The following DOCK10 variants were observed in gnomAD, a reference collection of about 807,000 sequenced individuals.
The protein encoded by DOCK10 is dedicator of cytokinesis protein 10.
DOCK10 carries 145 observed loss-of-function variants against 280.1 expected under a neutral mutation model. The observed-to-expected ratio is 0.52, with a 90% confidence interval of 0.45 to 0.59. The LOEUF (loss-of-function observed/expected upper bound fraction) is 0.59, where lower values mean the gene tolerates loss of function less well. DOCK10 is among the 20% of genes least tolerant of loss of function. DOCK10 has a pLI of 0.00. For missense variants in DOCK10, 2,368 were observed against 2,651.7 expected (o/e 0.89, Z 2.35); for synonymous variants, 915 against 942.2 (o/e 0.97, Z 0.53).
chr2:225,019,438 G>A (rs1466983495), intron 1 of DOCK10, among the ~76,000 whole-genome samples: 1 of 118,270 alleles, frequency 8.5e-6, no homozygotes, highest in South Asian at 2.9e-4. Context: ...AGAGAGTGTG[G>A]TTTAATCTTT....
At chr2:224,855,098 C>CACACACAG (rs1697034126) in intron 15 of DOCK10, 56 bp from the exon 16 acceptor site, 1 of 1,191,486 alleles carries the variant, frequency 8.4e-7, no homozygotes, top group Non-Finnish European at 1.2e-6. Flanking sequence ...CACACACACA[C>CACACACAG]ACAGAGTATT....
chr2:224,913,357 C>A (rs1701140442), intron 3 of DOCK10, among the ~76,000 whole-genome samples: 1 of 152,120 alleles, frequency 6.6e-6, no homozygotes, highest in Admixed American at 6.5e-5. Flanking sequence ...GGCTGAGCAA[C>A]CTTGTATGTC....
intron 1 of DOCK10, among the ~76,000 whole-genome samples, chr2:225,006,743 G>A (rs1689275451): frequency 1.3e-5 from 2 of 152,340 alleles, no homozygotes; most frequent in South Asian, 2.1e-4. Context: ...GATTAGAGTT[G>A]AGAAACATTG....
intron 1 of DOCK10, among the ~76,000 whole-genome samples, chr2:224,988,481 C>G (rs996627282): frequency 1.3e-5 from 2 of 152,196 alleles, no homozygotes; most frequent in Non-Finnish European, 2.9e-5. Context: ...GTACACCTCC[C>G]TCTATGAGGC....
chr2:224,853,111 A>G lies in DOCK10; in HGVS notation c.1900T>C (p.Ser634Pro). The change falls in exon 17 of 56, where the codon TCG becomes CCG. Residue 634 changes from serine (S) to proline (P), a missense_variant. Transcript: ENST00000258390. ...AAAGGCTTGACAGGGATAAAGGACG[A>G]TGTTACACAATCTTAAAAAATCAGA... ...VPLEHPNCVT[S>P]SFIPVKPFNM... 6.4e-7 allele frequency: 1 copy of G among 1,571,732 alleles called. No individual in the cohort carries two copies. The highest frequency in any genetic ancestry group is 1.4e-5 in the African/African-American group (1 of 73,452).
At position 224,987,757 on chromosome 2, in the gene DOCK10, C is replaced by T. The variant is rs1451819835; in HGVS notation, c.123+54495G>A. 7.2e-5 allele frequency among the ~76,000 whole-genome samples: 11 copies of T among 152,236 alleles called. No individual in the cohort carries two copies. In the East Asian group the frequency reaches 2.1e-3, roughly 29 times the overall value. ...ATTCTAGCTCCCCAAACTAAGTAGA[C>T]CTCTCTTAGTTTGGGTTAATTTACA... is the stretch of plus-strand genomic sequence containing the variant. On this transcript the variant is annotated intron_variant, in intron 1 of 55. Transcript: ENST00000258390.
intron 13 of DOCK10, 34 bp from the exon 14 acceptor site, chr2:224,862,780 AT>A (rs1233262422): frequency 7.7e-7 from 1 of 1,306,190 alleles, no homozygotes; most frequent in South Asian, 1.3e-5. Flanking sequence ...ATTGTTTAGA[AT>A]AGCACTTTAT....
In DOCK10 at chr2:224,874,048, T is replaced by C. The variant is rs1199792064; in HGVS notation, c.1205A>G (p.Asn402Ser). 2.5e-6 allele frequency: 4 copies of C among 1,613,638 alleles called. No homozygotes were observed. The highest frequency in any genetic ancestry group is 3.4e-6 in the Non-Finnish European group (4 of 1,179,814). The change falls in exon 11 of 56, where the codon AAC becomes AGC. Residue 402 changes from asparagine (N) to serine (S), a missense_variant. By Grantham distance (46) the Asn-to-Ser change is conservative. Around this residue, in one of 2 missense-constraint regions of DOCK10, gnomAD observed 1,209 missense variants for 1,250.9 expected, o/e 0.97. Coordinates refer to ENST00000258390, the MANE Select transcript of DOCK10 (RefSeq NM_014689.3). ...KRIMIICKAL[N>S]SNLQGCVTEN... ...CGTAACACATCCCTGAAGATTTGAG[T>C]TGAGGGCTTTACAGATGATCATGAT...
At position 224,852,586 on chromosome 2, in the gene DOCK10, T is replaced by C. The variant is rs4674945; in HGVS notation, c.2077-144A>G. ...TTCTTGTGACATTATCCATAATCTT[T>C]TGAAATAACAGAAGGATCTGGAGAG... On this transcript the variant is annotated intron_variant, in intron 17 of 55. Coordinates refer to ENST00000258390, the MANE Select transcript of DOCK10 (RefSeq NM_014689.3). 4,892 of 690,832 alleles carry C rather than the reference T, an allele frequency of 7.1e-3. 173 individuals are homozygous for C. In the African/African-American group the frequency reaches 0.075, roughly 11 times the overall value. 42.8% of individuals were successfully genotyped at this position (690,832 alleles called of 1,614,324 possible).
At chr2:224,995,461 A>G (rs1347614005) in intron 1 of DOCK10, among the ~76,000 whole-genome samples, 1 of 152,206 alleles carries the variant, frequency 6.6e-6, no homozygotes, top group Non-Finnish European at 1.5e-5. Context: ...CCTATTATCT[A>G]TCTCACGCCA....
At chr2:225,041,960 C>T (rs1690441384) in intron 1 of DOCK10, among the ~76,000 whole-genome samples, 3 of 152,198 alleles carry the variant, frequency 2.0e-5, no homozygotes, top group Non-Finnish European at 1.5e-5. Flanking sequence ...CCCCCTCGCG[C>T]CCCATTAAAG....
At chr2:224,956,853 A>G (rs1307889292) in intron 1 of DOCK10, among the ~76,000 whole-genome samples, 1 of 152,100 alleles carries the variant, frequency 6.6e-6, no homozygotes, top group African/African-American at 2.4e-5. Flanking sequence ...TTCCTAATGT[A>G]TACTCAGTCA....
intron 3 of DOCK10, among the ~76,000 whole-genome samples, chr2:224,908,436 TGTG>T (rs1340262965): frequency 6.6e-6 from 1 of 151,862 alleles, no homozygotes; most frequent in Non-Finnish European, 1.5e-5. Context: ...TGTGTGTGTG[TGTG>T]TGTGTGTGTG....
chr2:224,918,302 G>A (rs1701449009), intron 2 of DOCK10, among the ~76,000 whole-genome samples: 1 of 151,544 alleles, frequency 6.6e-6, no homozygotes, highest in African/African-American at 2.4e-5. Context: ...AAGAGGATGA[G>A]AGTGTGTGGG....
chr2:225,041,335 C>T (rs1173482967), intron 1 of DOCK10, among the ~76,000 whole-genome samples: 1 of 152,190 alleles, frequency 6.6e-6, no homozygotes, highest in Non-Finnish European at 1.5e-5. Context: ...GGCTGCTGAG[C>T]CCCGGTCTTG....
At chr2:224,909,346 A>C (rs942533504) in intron 3 of DOCK10, among the ~76,000 whole-genome samples, 17 of 152,204 alleles carry the variant, frequency 1.1e-4, no homozygotes, top group Admixed American at 1.0e-3. Context: ...GATTCAGATA[A>C]AGACAATGCT....
At chr2:224,921,835 C>T (rs909070931) in intron 2 of DOCK10, among the ~76,000 whole-genome samples, 66 of 152,082 alleles carry the variant, frequency 4.3e-4, no homozygotes, top group African/African-American at 1.6e-3. Flanking sequence ...CGCTGTGGCT[C>T]ATGCCTATAA....
At chr2:224,982,332 A>C in intron 1 of DOCK10, 1 of 1,231,982 alleles carries the variant, frequency 8.1e-7, no homozygotes, top group Non-Finnish European at 1.0e-6. Context: ...ACAGAACGAA[A>C]AGCTTGAAGC....
chr2:224,788,816 G>T (rs1039386807), intron 48 of DOCK10, among the ~76,000 whole-genome samples: 4 of 152,058 alleles, frequency 2.6e-5, no homozygotes, highest in African/African-American at 9.7e-5. Flanking sequence ...AAAAAGCCAA[G>T]ATTTTATCTG....
Sources: allele counts gnomAD v4.1 joint callset (sites outside exome capture counted in the v4.1 genomes callset), GRCh38; gene constraint gnomAD v4.1.1; regional missense constraint gnomAD v4.1.1; transcripts MANE v1.5; gene names NCBI Gene and HGNC (gene_info 2026-07-23, HGNC 2026-07-21).